Variants in KIF26B observed in about 807,000 individuals in gnomAD.
The protein encoded by KIF26B is kinesin family member 26B, also known as kinesin-like protein KIF26B.
A neutral mutation model predicts 151.2 loss-of-function variants in KIF26B; 63 were observed. The ratio of observed to expected loss-of-function variants is 0.42; its 90% CI spans 0.34 to 0.51. KIF26B has a LOEUF of 0.51. KIF26B is among the 20% of genes least tolerant of loss of function. The probability of loss-of-function intolerance (pLI) is 0.07; values close to 1 mark genes in which losing one functional copy is unlikely to be tolerated. For missense variants in KIF26B, 2,813 were observed against 2,913.6 expected, an observed-to-expected ratio of 0.97 and a Z score of 0.79; for synonymous variants, 1,357 against 1,262.1, an observed-to-expected ratio of 1.08 and a Z score of -1.59.
chr1:245,404,209 A>ATTT (rs11455837), intron 3 of KIF26B, among the ~76,000 whole-genome samples: 18 of 147,812 alleles, frequency 1.2e-4, no homozygotes, highest in Non-Finnish European at 1.3e-4. Flanking sequence ...AACAAGACTG[A>ATTT]TTTTTTTTTT....
At chr1:245,530,347 T>C (rs1661333976) in intron 4 of KIF26B, among the ~76,000 whole-genome samples, 1 of 152,192 alleles carries the variant, frequency 6.6e-6, no homozygotes, top group Non-Finnish European at 1.5e-5. Flanking sequence ...ATCCAAAGGA[T>C]AGGAGGTCAG....
intron 2 of KIF26B, among the ~76,000 whole-genome samples, chr1:245,291,800 G>A (rs1671257183): frequency 6.6e-6 from 1 of 152,194 alleles, no homozygotes; most frequent in African/African-American, 2.4e-5. Context: ...TGGAGGAGGT[G>A]GCGGTGACAG....
At chr1:245,209,928 A>C (rs73127127) in intron 2 of KIF26B, among the ~76,000 whole-genome samples, 6,911 of 152,302 alleles carry the variant, frequency 0.045, 480 homozygotes, top group African/African-American at 0.15. Flanking sequence ...CACCCGTAAG[A>C]AGATACTGGG....
chr1:245,329,461 A>T (rs1672057770), intron 2 of KIF26B, among the ~76,000 whole-genome samples: 1 of 152,120 alleles, frequency 6.6e-6, no homozygotes, highest in Non-Finnish European at 1.5e-5. Context: ...CTCTCCTTGG[A>T]CTTGAACCAC....
At chr1:245,278,176 C>T (rs911556595) in intron 2 of KIF26B, among the ~76,000 whole-genome samples, 6 of 152,068 alleles carry the variant, frequency 3.9e-5, no homozygotes, top group Non-Finnish European at 7.4e-5. Flanking sequence ...CCATAGAAAT[C>T]GCACTTCAGA....
chr1:245,506,607 A>C (rs971190438), intron 4 of KIF26B, among the ~76,000 whole-genome samples: 1 of 152,164 alleles, frequency 6.6e-6, no homozygotes, highest in Non-Finnish European at 1.5e-5. Flanking sequence ...TACAGATTGG[A>C]GGGGTCTATG....
chr1:245,469,325 G>A (rs1320100224), intron 4 of KIF26B, among the ~76,000 whole-genome samples: 2 of 152,182 alleles, frequency 1.3e-5, no homozygotes, highest in African/African-American at 4.8e-5. Context: ...GAGCTGCCTT[G>A]ACTTGAAATG....
intron 2 of KIF26B, among the ~76,000 whole-genome samples, chr1:245,178,984 T>A (rs12045691): frequency 0.21 from 31,532 of 151,802 alleles, 4,424 homozygotes; most frequent in East Asian, 0.4. Context: ...TTTTTTTTTT[T>A]AAATAATTAC....
chr1:245,365,811 AGAGGTTCAGT>A (rs1353773981), intron 2 of KIF26B, among the ~76,000 whole-genome samples: 15 of 152,110 alleles, frequency 9.9e-5, no homozygotes, highest in Non-Finnish European at 1.8e-4. Context: ...TGGACAGACG[AGAGGTTCAGT>A]GAGGTTCAGT....
chr1:245,321,191 G>A (rs1486920081), intron 2 of KIF26B, among the ~76,000 whole-genome samples: 1 of 152,150 alleles, frequency 6.6e-6, no homozygotes, highest in Non-Finnish European at 1.5e-5. Flanking sequence ...GCAGCCAGTG[G>A]TCTTTTTCTG....
At chr1:245,469,473 T>C (rs895480998) in intron 4 of KIF26B, among the ~76,000 whole-genome samples, 4 of 152,242 alleles carry the variant, frequency 2.6e-5, no homozygotes, top group African/African-American at 9.6e-5. Flanking sequence ...GGCATAGTTG[T>C]CAGGCATATA....
At chr1:245,569,111 A>C (rs537656683) in intron 5 of KIF26B, among the ~76,000 whole-genome samples, 2 of 152,304 alleles carry the variant, frequency 1.3e-5, no homozygotes, top group South Asian at 4.1e-4. Flanking sequence ...ATGTTGTGAT[A>C]GGTCATTAGA....
chr1:245,575,014 G>C (rs1455762328), intron 5 of KIF26B, among the ~76,000 whole-genome samples: 1 of 150,944 alleles, frequency 6.6e-6, no homozygotes, highest in African/African-American at 2.4e-5. Context: ...ACAGGCGCCC[G>C]CCACCACACC....
At chr1:245,240,180 T>C (rs1670188831) in intron 2 of KIF26B, among the ~76,000 whole-genome samples, 1 of 152,024 alleles carries the variant, frequency 6.6e-6, no homozygotes, top group South Asian at 2.1e-4. Context: ...AAGAGAGTCA[T>C]TTCCCGTGAA....
chr1:245,342,459 G>C (rs956553237), intron 2 of KIF26B, among the ~76,000 whole-genome samples: 8 of 152,234 alleles, frequency 5.3e-5, no homozygotes, highest in Non-Finnish European at 1.2e-4. Flanking sequence ...GTCTGGACAA[G>C]GAGAGAATGG....
chr1:245,264,878 G>A (rs1025430695), intron 2 of KIF26B, among the ~76,000 whole-genome samples: 3 of 149,208 alleles, frequency 2.0e-5, no homozygotes, highest in Non-Finnish European at 4.4e-5. Context: ...GGGGGACAGA[G>A]CGAGACTCCG....
rs533099217 is a variant in KIF26B at position 245,601,859 on chromosome 1, C to T, written c.1351-718C>T. On this transcript the variant is annotated intron_variant, in intron 5 of 14. Coordinates refer to ENST00000407071, the MANE Select transcript of KIF26B (RefSeq NM_018012.4). The surrounding 1 kb of genome is among the most constrained non-coding windows in gnomAD (Gnocchi z 4.4). The stretch of plus-strand genomic sequence containing the variant: ...ATAAGCACCTCGCTCGCCTGCAGGA[C>T]GGGGCTGGGTTGGTGGTGGGTACCA... Among the ~76,000 whole-genome samples, 4 of 152,248 alleles carry T rather than the reference C, an allele frequency of 2.6e-5. No homozygotes were observed. The South Asian group carries it at 6.2e-4, about 24-fold the overall frequency.
intron 5 of KIF26B, among the ~76,000 whole-genome samples, chr1:245,570,280 A>C (rs1349604892): frequency 3.9e-5 from 6 of 151,980 alleles, no homozygotes; most frequent in African/African-American, 1.2e-4. Flanking sequence ...GAGAGAATTG[A>C]AATTCAGGTT....
At chr1:245,295,896 A>G (rs1319601386) in intron 2 of KIF26B, among the ~76,000 whole-genome samples, 2 of 152,156 alleles carry the variant, frequency 1.3e-5, no homozygotes, top group African/African-American at 2.4e-5. Context: ...GGAGGCCTGA[A>G]TGGGCGTGAA....
Sources: gnomAD v4.1 joint callset for allele counts (sites outside exome capture counted in the v4.1 genomes callset) on GRCh38, gnomAD v4.1.1 for gene constraint, Gnocchi (gnomAD v3.1) non-coding constraint, MANE v1.5 for transcripts, NCBI Gene and HGNC (gene_info 2026-07-23, HGNC 2026-07-21) for gene names.